TAFA1: variants seen among roughly 807,000 people sequenced by gnomAD.
TAFA1 encodes the protein chemokine-like protein TAFA-1.
A neutral mutation model predicts 18.5 loss-of-function variants in TAFA1; 4 were observed. The observed-to-expected ratio is 0.22, with a 90% CI of 0.11 to 0.49. The LOEUF is 0.49. Among genes scored for constraint, TAFA1 ranks in the 20% least tolerant of loss-of-function variants. TAFA1 has a pLI of 0.98. For missense variants in TAFA1, 147 were observed against 169.0 expected, an observed-to-expected ratio of 0.87 and a Z score of 0.72; for synonymous variants, 56 against 55.2, an observed-to-expected ratio of 1.01 and a Z score of -0.06.
At chr3:68,313,423 T>C (rs1275648818) in intron 2 of TAFA1, among the ~76,000 whole-genome samples, 2 of 152,188 alleles carry the variant, frequency 1.3e-5, no homozygotes, top group Admixed American at 1.3e-4. Flanking sequence ...CATAATGATC[T>C]GCATATACCT....
intron 2 of TAFA1, among the ~76,000 whole-genome samples, chr3:68,309,639 G>C (rs1303125801): frequency 6.6e-6 from 1 of 152,176 alleles, no homozygotes; most frequent in African/African-American, 2.4e-5. Context: ...AATTTTCTCA[G>C]GATTTGTATC....
chr3:68,273,892 C>A (rs924518865), intron 2 of TAFA1, among the ~76,000 whole-genome samples: 1 of 152,172 alleles, frequency 6.6e-6, no homozygotes. Flanking sequence ...ACAACACAAT[C>A]TCTAAGGGAC....
chr3:68,370,780 G>GTTTTT (rs34524243), intron 2 of TAFA1, among the ~76,000 whole-genome samples: 1 of 122,136 alleles, frequency 8.2e-6, no homozygotes, highest in Non-Finnish European at 1.7e-5. Flanking sequence ...TGTTTTCGTT[G>GTTTTT]TTTTTTTTTT....
At chr3:68,238,353 A>G (rs2066956039) in intron 2 of TAFA1, among the ~76,000 whole-genome samples, 1 of 152,070 alleles carries the variant, frequency 6.6e-6, no homozygotes. Context: ...TTACCAGTTA[A>G]TTTTCCTTAT....
intron 2 of TAFA1, among the ~76,000 whole-genome samples, chr3:68,049,862 T>A (rs1373604689): frequency 6.6e-6 from 1 of 152,030 alleles, no homozygotes; most frequent in African/African-American, 2.4e-5. Flanking sequence ...CTGAATAAAC[T>A]CCCAAAGATG....
chr3:68,367,736 G>A (rs901761337), intron 2 of TAFA1, among the ~76,000 whole-genome samples: 15 of 150,744 alleles, frequency 1.0e-4, no homozygotes, highest in South Asian at 2.1e-4. Context: ...GCATCTGCTC[G>A]CTTGTGTTGC....
At chr3:68,415,618 T>C (rs947577026) in intron 2 of TAFA1, among the ~76,000 whole-genome samples, 4 of 152,112 alleles carry the variant, frequency 2.6e-5, no homozygotes, top group Admixed American at 6.5e-5. Flanking sequence ...ATACCTTTGT[T>C]GGCACCTACA....
At chr3:68,110,354 C>T (rs536737074) in intron 2 of TAFA1, among the ~76,000 whole-genome samples, 4 of 152,280 alleles carry the variant, frequency 2.6e-5, no homozygotes, top group Admixed American at 2.6e-4. Flanking sequence ...ATATGTACCA[C>T]ATTTTCTTTA....
intron 2 of TAFA1, among the ~76,000 whole-genome samples, chr3:68,313,164 C>A (rs1352856): frequency 6.6e-6 from 1 of 151,948 alleles, no homozygotes; most frequent in Non-Finnish European, 1.5e-5. Context: ...GAGATTTGGG[C>A]GGGGACACAA....
intron 2 of TAFA1, among the ~76,000 whole-genome samples, chr3:68,050,888 G>A (rs192362433): frequency 2.6e-4 from 39 of 152,282 alleles, no homozygotes; most frequent in African/African-American, 8.7e-4. Flanking sequence ...GCTAAAACAG[G>A]TGGTGGGCTG....
At chr3:68,280,287 C>G (rs768290210) in intron 2 of TAFA1, among the ~76,000 whole-genome samples, 7 of 152,260 alleles carry the variant, frequency 4.6e-5, no homozygotes, top group Middle Eastern at 3.4e-3. Flanking sequence ...TTTCAATGGT[C>G]AATACTCTGC....
intron 2 of TAFA1, among the ~76,000 whole-genome samples, chr3:68,414,166 G>T (rs984357817): frequency 2.0e-5 from 3 of 152,230 alleles, no homozygotes; most frequent in Non-Finnish European, 2.9e-5. Flanking sequence ...AATTAGCTGG[G>T]CATGGTGGTG....
chr3:68,336,102 T>C (rs949670997), intron 2 of TAFA1, among the ~76,000 whole-genome samples: 5 of 152,224 alleles, frequency 3.3e-5, no homozygotes, highest in African/African-American at 1.2e-4. Flanking sequence ...ACACTTCCTC[T>C]CTCTGATCAT....
At chr3:68,466,635 G>C (rs997248639) in intron 3 of TAFA1, among the ~76,000 whole-genome samples, 3 of 151,994 alleles carry the variant, frequency 2.0e-5, no homozygotes, top group African/African-American at 7.2e-5. Context: ...ATGTTGAACT[G>C]CTTATATCCT....
At chr3:68,518,008 C>A (rs926916833) in intron 3 of TAFA1, among the ~76,000 whole-genome samples, 1 of 152,124 alleles carries the variant, frequency 6.6e-6, no homozygotes. Context: ...CAGAATACAA[C>A]ATTCTAACTC....
At chr3:68,319,657 T>G (rs1328873558) in intron 2 of TAFA1, among the ~76,000 whole-genome samples, 1 of 152,252 alleles carries the variant, frequency 6.6e-6, no homozygotes, top group African/African-American at 2.4e-5. Flanking sequence ...AATTCATTCT[T>G]GGCTTTGTCC....
chr3:68,506,858 A>G (rs1298040179), intron 3 of TAFA1, among the ~76,000 whole-genome samples: 1 of 152,200 alleles, frequency 6.6e-6, no homozygotes, highest in African/African-American at 2.4e-5. Context: ...ATTATTCTCA[A>G]AGGCAGCCAC....
intron 3 of TAFA1, among the ~76,000 whole-genome samples, chr3:68,418,365 C>G (rs936802594): frequency 6.6e-6 from 1 of 151,718 alleles, no homozygotes; most frequent in East Asian, 1.9e-4. Context: ...AGTGGGGGAG[C>G]TTTTTGAGCC....
chr3:68,328,357 G>A (rs191090913), intron 2 of TAFA1, among the ~76,000 whole-genome samples: 28 of 152,250 alleles, frequency 1.8e-4, no homozygotes, highest in Middle Eastern at 3.4e-3. Context: ...AGCAATTGCC[G>A]TCCCAGTTTC....
Sources: gnomAD v4.1 joint callset for allele counts (sites outside exome capture counted in the v4.1 genomes callset) on GRCh38, gnomAD v4.1.1 for gene constraint, MANE v1.5 for transcripts, NCBI Gene and HGNC (gene_info 2026-07-23, HGNC 2026-07-21) for gene names.